WDPCP: variants seen among roughly 807,000 people sequenced by gnomAD.
The protein encoded by WDPCP is WD repeat-containing and planar cell polarity effector protein fritz homolog.
In WDPCP, 71 loss-of-function variants were observed where a neutral mutation model predicts 93.1. The ratio of observed to expected loss-of-function variants is 0.76; its 90% CI spans 0.63 to 0.93. The LOEUF (loss-of-function observed/expected upper bound fraction) is 0.93, where lower values mean the gene tolerates loss of function less well. Ranked by LOEUF, WDPCP falls within the 40% of genes least tolerant of loss-of-function variation. The pLI is 0.00. For synonymous variants in WDPCP, 315 were observed against 315.0 expected (o/e 1.00, Z 0.00); for missense variants, 844 against 887.4 (o/e 0.95, Z 0.62).
Position 63,632,803 on chromosome 2 carries a change from C to G in WDPCP, n.488+17856G>C, listed in dbSNP as rs533183090. On this transcript the variant is annotated intron_variant and non_coding_transcript_variant, in intron 3 of 4. Transcript: ENST00000467687. The stretch of plus-strand genomic sequence containing the variant: ...GAGAGAGAGCAAAGCATGCAGAAAG[C>G]TTATTGAAAGAAATAATGTCTGAAA... Among the ~76,000 whole-genome samples, 5 of 152,230 alleles carry G rather than the reference C, an allele frequency of 3.3e-5. No individual in the cohort carries two copies. In the East Asian group the frequency reaches 9.6e-4, roughly 29 times the overall value.
At chr2:63,715,125 G>T (rs1460984528) in intron 2 of WDPCP, among the ~76,000 whole-genome samples, 1 of 152,210 alleles carries the variant, frequency 6.6e-6, no homozygotes, top group Non-Finnish European at 1.5e-5. Context: ...ATAGAAAGCA[G>T]ATAGATGGTT....
chr2:63,836,155 G>A, the WDPCP span, among the ~76,000 whole-genome samples: 3 of 152,278 alleles, frequency 2.0e-5, no homozygotes, highest in African/African-American at 7.2e-5. Context: ...GCACCCAGCT[G>A]AGAATCTTCT....
intron 13 of WDPCP, among the ~76,000 whole-genome samples, chr2:63,282,680 T>G (rs1683662191): frequency 1.3e-5 from 2 of 152,120 alleles, no homozygotes; most frequent in African/African-American, 4.8e-5. Context: ...TTTTACATAA[T>G]TATAAAATAA....
intron 2 of WDPCP, among the ~76,000 whole-genome samples, chr2:63,768,006 C>T (rs1051394350): frequency 4.6e-5 from 7 of 150,946 alleles, no homozygotes; most frequent in African/African-American, 1.7e-4. Context: ...ACAACAACAA[C>T]CAAAAAGAAC....
At chr2:63,631,223 G>C (rs1347606955) in intron 3 of WDPCP, among the ~76,000 whole-genome samples, 4 of 152,120 alleles carry the variant, frequency 2.6e-5, no homozygotes, top group Non-Finnish European at 5.9e-5. Flanking sequence ...AGAGGTTGCA[G>C]TGAGCAAGAT....
chr2:63,323,928 A>C (rs142275592), intron 12 of WDPCP, among the ~76,000 whole-genome samples: 2 of 152,062 alleles, frequency 1.3e-5, no homozygotes, highest in South Asian at 2.1e-4. Flanking sequence ...GGGAGAAACA[A>C]AACAAACCAA....
intron 13 of WDPCP, among the ~76,000 whole-genome samples, chr2:63,301,788 T>C (rs1489294281): frequency 1.4e-5 from 2 of 146,000 alleles, no homozygotes; most frequent in African/African-American, 2.5e-5. Context: ...GACAAAGGGA[T>C]GCCTTTTTTT....
intron 2 of WDPCP, among the ~76,000 whole-genome samples, chr2:63,768,460 T>A (rs1670179771): frequency 1.3e-5 from 2 of 152,026 alleles, no homozygotes; most frequent in African/African-American, 4.8e-5. Flanking sequence ...TTGCATTGAA[T>A]TTATAGATGA....
intron 1 of WDPCP, among the ~76,000 whole-genome samples, chr2:63,572,071 T>C (rs911033822): frequency 6.6e-6 from 1 of 152,168 alleles, no homozygotes; most frequent in African/African-American, 2.4e-5. Flanking sequence ...GACGTATAGA[T>C]AATCAGGCTC....
intron 10 of WDPCP, among the ~76,000 whole-genome samples, chr2:63,393,033 A>G (rs1693412212): frequency 6.6e-6 from 1 of 152,246 alleles, no homozygotes; most frequent in Non-Finnish European, 1.5e-5. Flanking sequence ...CAATCCCATT[A>G]CTGGGTATAT....
chr2:63,378,260 A>G (rs1575273093), intron 12 of WDPCP, 126 bp downstream of exon 12: 3 of 1,214,976 alleles, frequency 2.5e-6, no homozygotes, highest in South Asian at 1.3e-5. Flanking sequence ...AAGAAGATGT[A>G]TATTTCTTTG....
At chr2:63,308,029 A>T (rs1262006004) in intron 13 of WDPCP, among the ~76,000 whole-genome samples, 5 of 152,204 alleles carry the variant, frequency 3.3e-5, no homozygotes, top group African/African-American at 1.2e-4. Context: ...TTAAACAAAG[A>T]ACTTAAACAA....
chr2:63,437,332 T>TGAA, intron 8 of WDPCP, 89 bp downstream of exon 8: 2 of 1,079,716 alleles, frequency 1.9e-6, no homozygotes, highest in Non-Finnish European at 2.6e-6. Context: ...CCAGAAATGT[T>TGAA]GAAGAATAAT....
intron 3 of WDPCP, among the ~76,000 whole-genome samples, chr2:63,621,516 G>A (rs887600452): frequency 5.9e-5 from 9 of 152,018 alleles, no homozygotes; most frequent in Admixed American, 1.3e-4. Context: ...CAATAAATAC[G>A]GGACTATGTA....
intron 7 of WDPCP, 178 bp from the exon 8 acceptor site, chr2:63,437,732 G>T: frequency 9.3e-7 from 1 of 1,078,036 alleles, no homozygotes; most frequent in South Asian, 1.8e-5. Flanking sequence ...AACAATAATT[G>T]TCAATCTAAT....
intron 6 of WDPCP, among the ~76,000 whole-genome samples, chr2:63,443,720 G>A (rs570563239): frequency 2.0e-5 from 3 of 152,294 alleles, no homozygotes; most frequent in African/African-American, 7.2e-5. Flanking sequence ...CAGTGGTTGA[G>A]GTGAGAGATG....
intron 14 of WDPCP, among the ~76,000 whole-genome samples, chr2:63,184,724 G>A (rs894488231): frequency 6.6e-6 from 1 of 152,024 alleles, no homozygotes; most frequent in Non-Finnish European, 1.5e-5. Flanking sequence ...TGTTCTCCTA[G>A]TATTCATTTG....
intron 14 of WDPCP, among the ~76,000 whole-genome samples, chr2:63,175,197 A>G (rs1673715697): frequency 6.6e-6 from 1 of 152,176 alleles, no homozygotes; most frequent in South Asian, 2.1e-4. Context: ...CATATAGCAC[A>G]TAACTTGAAA....
intron 13 of WDPCP, among the ~76,000 whole-genome samples, chr2:63,293,737 G>T (rs909495731): frequency 3.9e-5 from 6 of 152,062 alleles, no homozygotes; most frequent in African/African-American, 1.4e-4. Flanking sequence ...ATGACAAGAT[G>T]ATTTCAAAGC....
Sources: allele counts gnomAD v4.1 joint callset (sites outside exome capture counted in the v4.1 genomes callset), GRCh38; gene constraint gnomAD v4.1.1; transcripts MANE v1.5; gene names NCBI Gene and HGNC (gene_info 2026-07-23, HGNC 2026-07-21).